The following FLT3 variants were observed in gnomAD, a reference collection of about 807,000 sequenced individuals.
The protein encoded by FLT3 is fms related receptor tyrosine kinase 3.
FLT3 carries 46 observed loss-of-function variants against 126.6 expected under a neutral mutation model. The ratio of observed to expected loss-of-function variants is 0.36; its 90% CI spans 0.29 to 0.46. The LOEUF (loss-of-function observed/expected upper bound fraction) is 0.46, where lower values mean the gene tolerates loss of function less well. Among genes scored for constraint, FLT3 ranks in the 20% least tolerant of loss-of-function variants. The probability of loss-of-function intolerance (pLI) is 1.00; values close to 1 mark genes in which losing one functional copy is unlikely to be tolerated. For missense variants in FLT3, 1,069 were observed against 1,190.3 expected, an observed-to-expected ratio of 0.90 and a Z score of 1.50; for synonymous variants, 404 against 434.4, an observed-to-expected ratio of 0.93 and a Z score of 0.87.
intron 19 of FLT3, among the ~76,000 whole-genome samples, chr13:28,022,917 C>T (rs534517230): frequency 6.6e-6 from 1 of 152,360 alleles, no homozygotes; most frequent in South Asian, 2.1e-4. Context: ...CAGCCCACAG[C>T]ACGCAGGGTG....
chr13:28,038,553 C>T (rs531655558), intron 9 of FLT3, among the ~76,000 whole-genome samples: 13 of 151,448 alleles, frequency 8.6e-5, no homozygotes, highest in Admixed American at 2.6e-4. Flanking sequence ...CCCGGGTTCC[C>T]ACCACTCTCC....
chr13:28,025,337 A>G (rs1872710933), intron 17 of FLT3: 1 of 443,974 alleles, frequency 2.3e-6, no homozygotes, highest in South Asian at 1.7e-5. Flanking sequence ...CACATAATAC[A>G]GATCTTCCCG....
At position 28,024,954 on chromosome 13, in the gene FLT3, A is replaced by T. The variant is rs751035224; in HGVS notation, c.2208-11T>A. 9 of 1,589,410 alleles carry T rather than the reference A, an allele frequency of 5.7e-6. No homozygotes were observed. The highest frequency in any genetic ancestry group is 1.4e-5 in the African/African-American group (1 of 74,060). On this transcript the variant is annotated splice_polypyrimidine_tract_variant and intron_variant, in intron 17 of 23. Transcript: ENST00000241453. ...CTTGAACCAGGCATGCTATTAAAAA[A>T]TTTTGTTTTTTCATTATTTACATTA... is the stretch of plus-strand genomic sequence containing the variant.
intron 17 of FLT3, among the ~76,000 whole-genome samples, chr13:28,025,650 CA>C (rs1362728561): frequency 6.6e-6 from 1 of 152,146 alleles, no homozygotes; most frequent in Non-Finnish European, 1.5e-5. Flanking sequence ...CAGAACGAAT[CA>C]AAGGGGCTAA....
rs2137728994 is a variant in FLT3, at chr13:28,049,691, G to A, written c.826C>T (p.His276Tyr). ...EPLWIRCKAV[H>Y]VNHGFGLTWE... ...GTGAGCCCGAATCCATGGTTCACAT[G>A]AACAGCTTTGCACCTTATCCATAAG... is the stretch of plus-strand genomic sequence containing the variant. Residue 276 changes from histidine to tyrosine, a missense_variant, in exon 7 of 24, where the codon CAT (histidine) becomes TAT (tyrosine). By Grantham distance (83) the His-to-Tyr change is moderately conservative. Coordinates refer to ENST00000241453, the MANE Select transcript of FLT3 (RefSeq NM_004119.3). 1 of 1,614,150 alleles carries A rather than the reference G, an allele frequency of 6.2e-7. No individual in the cohort carries two copies. The highest frequency in any genetic ancestry group is 1.6e-4 in the Middle Eastern group (1 of 6,062).
At chr13:28,086,968 AGTTCCTATT>A (rs1428762793) in intron 1 of FLT3, among the ~76,000 whole-genome samples, 2 of 152,096 alleles carry the variant, frequency 1.3e-5, no homozygotes, top group African/African-American at 4.8e-5. Flanking sequence ...TTTCTTTAAC[AGTTCCTATT>A]GTGCCAGTCT....
intron 19 of FLT3, among the ~76,000 whole-genome samples, chr13:28,021,580 T>A (rs542969903): frequency 1.4e-4 from 22 of 152,190 alleles, no homozygotes; most frequent in Admixed American, 1.0e-3. Context: ...AAAACTTGTA[T>A]TATTATTGCT....
At chr13:28,087,841 T>C (rs1878779585) in intron 1 of FLT3, among the ~76,000 whole-genome samples, 1 of 152,230 alleles carries the variant, frequency 6.6e-6, no homozygotes, top group African/African-American at 2.4e-5. Context: ...TCATCCTTAG[T>C]AGTTCAATTT....
chr13:28,058,468 T>C (rs961381355), intron 3 of FLT3, among the ~76,000 whole-genome samples: 2 of 151,392 alleles, frequency 1.3e-5, no homozygotes, highest in Non-Finnish European at 2.9e-5. Flanking sequence ...GCCAAGATCA[T>C]GCCATTGCAC....
rs200506323 is a variant in FLT3, at chr13:28,031,227, C to CA, written c.1942+2659dup. Among the ~76,000 whole-genome samples the CA allele has an allele frequency of 2.8e-4, 42 of 150,380 alleles. 1 individual carries two copies. Among genetic ancestry groups the CA allele is most frequent in the Admixed American group, 9.9e-4 (15 of 15,076 alleles). ...TGGGCGACAGAGTGAGACTCCGTCT[C>CA]AAAAAAAGAAGAAAAAATGCAACGT... On this transcript the variant is annotated intron_variant, in intron 15 of 23. Transcript: ENST00000241453.
intron 4 of FLT3, among the ~76,000 whole-genome samples, chr13:28,053,915 C>T (rs1875776020): frequency 6.6e-6 from 1 of 152,048 alleles, no homozygotes; most frequent in Non-Finnish European, 1.5e-5. Context: ...GTGGTGCAAT[C>T]TCAGCTCACT....
rs1283936288 is a variant in FLT3 at position 28,049,419 on chromosome 13, T to C, written c.1001A>G (p.Lys334Arg). The change falls in exon 8 of 24, where the codon AAG (lysine) becomes AGG (arginine). Residue 334 changes from lysine to arginine, a missense_variant. Coordinates refer to ENST00000241453, the MANE Select transcript of FLT3 (RefSeq NM_004119.3). The stretch of plus-strand genomic sequence containing the variant: ...AACCAAAGCTGATTGACTGGGATGC[T>C]TTGAAGAGGAACAAGTGTAGTATCC... ...DTGYYTCSSSKHPSQSALVTI... is the reference protein window; with the variant it reads ...DTGYYTCSSSRHPSQSALVTI... The C allele has an allele frequency of 3.1e-6, 5 of 1,613,956 alleles. No homozygotes were observed. Among genetic ancestry groups the C allele is most frequent in the Non-Finnish European group, 3.4e-6 (4 of 1,179,990 alleles).
chr13:28,025,635 G>A (rs1872728404), intron 17 of FLT3, among the ~76,000 whole-genome samples: 1 of 152,140 alleles, frequency 6.6e-6, no homozygotes, highest in Non-Finnish European at 1.5e-5. Context: ...TAATATTCCA[G>A]TGAACAGAAC....
intron 1 of FLT3, among the ~76,000 whole-genome samples, chr13:28,075,540 C>T (rs1459013541): frequency 6.6e-6 from 1 of 152,048 alleles, no homozygotes; most frequent in African/African-American, 2.4e-5. Context: ...GCCTGGCCAA[C>T]ATGGTGAAAC....
intron 3 of FLT3, among the ~76,000 whole-genome samples, chr13:28,061,413 T>C (rs375233801): frequency 6.5e-4 from 99 of 152,182 alleles, no homozygotes; most frequent in African/African-American, 2.2e-3. Flanking sequence ...TATAATGTCA[T>C]GTATTGATGC....
intron 2 of FLT3, among the ~76,000 whole-genome samples, chr13:28,069,706 G>T (rs1479765476): frequency 1.3e-5 from 2 of 152,238 alleles, no homozygotes; most frequent in East Asian, 3.9e-4. Context: ...TTTTTCCCTT[G>T]TCATCATTAT....
At chr13:28,008,200 A>AC (rs1173228842) in intron 23 of FLT3, among the ~76,000 whole-genome samples, 2 of 150,816 alleles carry the variant, frequency 1.3e-5, no homozygotes, top group Non-Finnish European at 2.9e-5. Flanking sequence ...AATTTTTAAA[A>AC]AGTACTCAGG....
intron 19 of FLT3, 72 bp downstream of exon 19, chr13:28,023,278 A>T (rs541254373): frequency 2.0e-4 from 300 of 1,485,168 alleles, no homozygotes; most frequent in Middle Eastern, 1.2e-3. Context: ...GTTAAAATAA[A>T]CAAGAAAACA....
At chr13:28,033,835 T>C (rs2137671803) in intron 15 of FLT3, 52 bp downstream of exon 15, 2 of 1,324,258 alleles carry the variant, frequency 1.5e-6, no homozygotes, top group Non-Finnish European at 2.2e-6. Context: ...GGTGGGAAAC[T>C]GTGCCTCCCA....
Sources: gnomAD v4.1 joint callset for allele counts (sites outside exome capture counted in the v4.1 genomes callset) on GRCh38, gnomAD v4.1.1 for gene constraint, MANE v1.5 for transcripts, NCBI Gene and HGNC (gene_info 2026-07-23, HGNC 2026-07-21) for gene names.